Variants in GSTO2 observed in about 807,000 individuals in gnomAD.
GSTO2 encodes glutathione S-transferase omega-2.
Under a neutral mutation model 28.4 loss-of-function variants are expected in GSTO2, and 23 were observed. That is an observed-to-expected ratio of 0.81 (90% CI 0.58 to 1.15). The LOEUF is 1.15. GSTO2 is among the 50% of genes most tolerant of loss of function. The probability of loss-of-function intolerance (pLI) is 0.00; values close to 1 mark genes in which losing one functional copy is unlikely to be tolerated. For synonymous variants in GSTO2, 109 were observed against 111.0 expected, an observed-to-expected ratio of 0.98 and a Z score of 0.11; for missense variants, 298 against 297.8, an observed-to-expected ratio of 1.00 and a Z score of 0.00.
chr10:104,274,970 C>T, intron 2 of GSTO2, 21 bp downstream of exon 2: 1 of 1,571,338 alleles, frequency 6.4e-7, no homozygotes, highest in Non-Finnish European at 8.6e-7. Context: ...TCCATGGGGT[C>T]CGCGAGCTGG....
Position 104,300,739 on chromosome 10 carries a change from A to T in GSTO2, c.*1455A>T, listed in dbSNP as rs1270222397. On this transcript the variant is annotated 3_prime_UTR_variant, in exon 7 of 7. Coordinates refer to ENST00000338595, the MANE Select transcript of GSTO2 (RefSeq NM_183239.2). ...ATGCTGGATCCTTTCCCATCCTCCT[A>T]GCTGTGCTGAGACACCAGGCAGCAA... The T allele has an allele frequency of 1.3e-5, 2 of 152,242 alleles. No homozygotes were observed. Among genetic ancestry groups the T allele is most frequent in the East Asian group, 3.9e-4 (2 of 5,192 alleles). The allele number at this position is 152,242 out of a possible 1,614,324, so 9.4% of individuals were successfully genotyped here. A position where few individuals can be genotyped will look rare whatever the true frequency, so the allele number is the denominator to read the frequency against.
At chr10:104,292,603 C>T (rs979934547) in intron 5 of GSTO2, among the ~76,000 whole-genome samples, 2 of 152,048 alleles carry the variant, frequency 1.3e-5, no homozygotes, top group Admixed American at 6.6e-5. Context: ...GCTGGGACTG[C>T]AGGCACAGAC....
At chr10:104,280,816 C>T (rs984811335) in intron 5 of GSTO2, among the ~76,000 whole-genome samples, 1 of 152,188 alleles carries the variant, frequency 6.6e-6, no homozygotes, top group Non-Finnish European at 1.5e-5. Context: ...AATACTCTTC[C>T]ATTTGACCTT....
chr10:104,277,295 T>TC (rs1442620101), intron 3 of GSTO2, among the ~76,000 whole-genome samples: 1 of 129,112 alleles, frequency 7.7e-6, no homozygotes, highest in African/African-American at 3.5e-5. Context: ...GCTCTACTAC[T>TC]TTTTTTTTTT....
intron 3 of GSTO2, 119 bp from the exon 4 acceptor site, chr10:104,277,775 C>T: frequency 3.0e-6 from 2 of 657,014 alleles, no homozygotes; most frequent in Non-Finnish European, 5.4e-6. Context: ...AAACTTAAAC[C>T]TTAAAACACT....
At chr10:104,280,731 C>T (rs1175908985) in intron 5 of GSTO2, among the ~76,000 whole-genome samples, 1 of 152,188 alleles carries the variant, frequency 6.6e-6, no homozygotes, top group Admixed American at 6.5e-5. Flanking sequence ...GACAAATTCA[C>T]CTTATGGGTG....
intron 5 of GSTO2, among the ~76,000 whole-genome samples, chr10:104,280,602 G>A (rs1202790595): frequency 1.3e-5 from 2 of 152,182 alleles, no homozygotes; most frequent in African/African-American, 4.8e-5. Flanking sequence ...GCGGTGGCAG[G>A]AATACTCTTT....
chr10:104,288,418 C>T (rs1302631794), intron 5 of GSTO2: 2 of 152,196 alleles, frequency 1.3e-5, no homozygotes, highest in African/African-American at 2.4e-5. Context: ...ATAATGAGCA[C>T]ATTGGAGGCT....
intron 5 of GSTO2, among the ~76,000 whole-genome samples, chr10:104,280,115 A>T (rs754127978): frequency 1.4e-5 from 2 of 140,924 alleles, no homozygotes; most frequent in African/African-American, 5.3e-5. Flanking sequence ...GCAGTGAGCC[A>T]TGATTGCACC....
At chr10:104,277,668 C>T (rs2011716412) in intron 3 of GSTO2, among the ~76,000 whole-genome samples, 1 of 152,140 alleles carries the variant, frequency 6.6e-6, no homozygotes, top group East Asian at 1.9e-4. Flanking sequence ...GAGCCTACTT[C>T]AGGGGGAATT....
intron 5 of GSTO2, among the ~76,000 whole-genome samples, chr10:104,280,470 T>A (rs903576725): frequency 2.6e-5 from 4 of 152,238 alleles, no homozygotes; most frequent in African/African-American, 9.6e-5. Flanking sequence ...TACATTTCGT[T>A]GGCCAGAACT....
At chr10:104,271,590 C>T (rs995694263) in intron 1 of GSTO2, among the ~76,000 whole-genome samples, 5 of 152,184 alleles carry the variant, frequency 3.3e-5, no homozygotes, top group African/African-American at 1.2e-4. Context: ...CATTGGGCTC[C>T]AGGGCCTGTT....
intron 1 of GSTO2, among the ~76,000 whole-genome samples, 185 bp from the exon 2 acceptor site, chr10:104,274,498 GGA>G: frequency 6.6e-6 from 1 of 151,652 alleles, no homozygotes; most frequent in African/African-American, 2.4e-5. Flanking sequence ...ATTCAGAATG[GGA>G]AAAAAAAAGT....
intron 5 of GSTO2, among the ~76,000 whole-genome samples, chr10:104,287,120 A>G (rs1192553462): frequency 6.6e-6 from 1 of 151,990 alleles, no homozygotes; most frequent in Non-Finnish European, 1.5e-5. Flanking sequence ...GGGTGCAATC[A>G]CGCCTCACTG....
At chr10:104,293,431 T>C (rs551267749) in intron 5 of GSTO2, among the ~76,000 whole-genome samples, 2 of 152,158 alleles carry the variant, frequency 1.3e-5, no homozygotes, top group African/African-American at 4.8e-5. Flanking sequence ...TTTGTTCTGT[T>C]TATTTATTTA....
chr10:104,299,146 A>C lies in GSTO2; in HGVS notation c.594A>C (p.Pro198=). The stretch of plus-strand genomic sequence containing the variant: ...CTTGCAGCTGTGTGAGCCACACGCC[A>C]GCCCTGCGGCTCTGGATATCAGCCA... ...YGILDCVSHT[P]ALRLWISAMK... The change falls in exon 7 of 7, where the codon CCA becomes CCC. Residue 198 remains proline (P), a synonymous_variant. Coordinates refer to ENST00000338595, the MANE Select transcript of GSTO2 (RefSeq NM_183239.2). 6.2e-7 allele frequency: 1 copy of C among 1,614,112 alleles called. No individual in the cohort carries two copies. Among genetic ancestry groups the C allele is most frequent in the Non-Finnish European group, 8.5e-7 (1 of 1,179,978 alleles).
intron 3 of GSTO2, among the ~76,000 whole-genome samples, chr10:104,277,577 C>T (rs536338592): frequency 9.9e-5 from 15 of 152,222 alleles, no homozygotes; most frequent in African/African-American, 3.1e-4. Context: ...TGAGGCACCG[C>T]GCCCGGCCAG....
chr10:104,274,728 G>C lies in GSTO2; in HGVS notation c.-188G>C. The C allele has an allele frequency of 1.5e-6, 1 of 673,872 alleles. No homozygotes were observed. Among genetic ancestry groups the C allele is most frequent in the Admixed American group, 3.1e-5 (1 of 32,756 alleles). The allele number at this position is 673,872 out of a possible 1,614,324, so 41.7% of individuals were successfully genotyped here. ...CAAATCTGGGGCGATGTCTCCCCAG[G>C]TTAAATTACCCTAGCTCCTGCTCCA... is the stretch of plus-strand genomic sequence containing the variant. On this transcript the variant is annotated 5_prime_UTR_variant, in exon 2 of 7. Coordinates refer to ENST00000338595, the MANE Select transcript of GSTO2 (RefSeq NM_183239.2).
At position 104,295,100 on chromosome 10, in the gene GSTO2, A is replaced by G. The variant is rs546635739; in HGVS notation, c.469-2478A>G. 3.3e-5 allele frequency: 5 copies of G among 152,332 alleles called. No homozygotes were observed. The South Asian group carries it at 1.0e-3, about 32-fold the overall frequency. The allele number at this position is 152,332 out of a possible 1,614,324, so 9.4% of individuals were successfully genotyped here. A position where few individuals can be genotyped will look rare whatever the true frequency, so the allele number is the denominator to read the frequency against. ...ATAACAAACTGGAGGCACACATTTC[A>G]AAGCCAGTGGTAAGAGTTTGAGTAG... is the stretch of plus-strand genomic sequence containing the variant. On this transcript the variant is annotated intron_variant, in intron 5 of 6. Coordinates refer to ENST00000338595, the MANE Select transcript of GSTO2 (RefSeq NM_183239.2).
Sources: gnomAD v4.1 joint callset for allele counts (sites outside exome capture counted in the v4.1 genomes callset) on GRCh38, gnomAD v4.1.1 for gene constraint, MANE v1.5 for transcripts, NCBI Gene and HGNC (gene_info 2026-07-23, HGNC 2026-07-21) for gene names.